Variants in SCAPER observed in about 807,000 individuals in gnomAD.
SCAPER encodes S-phase cyclin A associated protein in the ER.
In SCAPER, 98 loss-of-function variants were observed where a neutral mutation model predicts 182.2. The observed-to-expected ratio is 0.54, with a 90% CI of 0.46 to 0.64. The LOEUF is 0.64. SCAPER is among the 30% of genes least tolerant of loss of function. SCAPER has a pLI of 0.00. For missense variants in SCAPER, 1,432 were observed against 1,690.0 expected (o/e 0.85, Z 2.68); for synonymous variants, 605 against 564.6 (o/e 1.07, Z -1.01).
At chr15:76,427,891 T>C (rs188502475) in intron 26 of SCAPER, among the ~76,000 whole-genome samples, 1 of 148,520 alleles carries the variant, frequency 6.7e-6, no homozygotes, top group African/African-American at 2.5e-5. Flanking sequence ...TGAGATCGCA[T>C]CACTGAACTC....
intron 25 of SCAPER, among the ~76,000 whole-genome samples, chr15:76,448,280 G>A (rs1249998658): frequency 2.0e-5 from 3 of 152,054 alleles, no homozygotes; most frequent in Admixed American, 6.5e-5. Flanking sequence ...CAGGGAAGGA[G>A]GCTATTATAT....
chr15:76,820,292 A>G (rs1281963382), intron 5 of SCAPER, among the ~76,000 whole-genome samples: 4 of 152,148 alleles, frequency 2.6e-5, no homozygotes, highest in Non-Finnish European at 5.9e-5. Context: ...ATGCACATGT[A>G]TGTTTATTGC....
intron 21 of SCAPER, among the ~76,000 whole-genome samples, chr15:76,663,558 C>T (rs1192796486): frequency 1.3e-5 from 2 of 151,568 alleles, no homozygotes; most frequent in Non-Finnish European, 2.9e-5. Flanking sequence ...TACACATCAA[C>T]ACAGATAAAC....
chr15:76,366,049 G>C (rs552548536), intron 29 of SCAPER, among the ~76,000 whole-genome samples: 1 of 151,174 alleles, frequency 6.6e-6, no homozygotes, highest in Non-Finnish European at 1.5e-5. Context: ...TTCTAATCTA[G>C]CTTATTTAAG....
In SCAPER at chr15:76,786,353, A is replaced by G. The variant is rs1055940093; in HGVS notation, c.772+8927T>C. On this transcript the variant is annotated intron_variant, in intron 8 of 31. Coordinates refer to ENST00000563290, the MANE Select transcript of SCAPER (RefSeq NM_020843.4). Reference sequence around the variant, plus strand: ...AAAAAAAAAAAAAAAAAATCAATCAATGTAATTCACCACTGTCAATAGGCT... The same window carrying G: ...AAAAAAAAAAAAAAAAAATCAATCAGTGTAATTCACCACTGTCAATAGGCT... 2.0e-5 allele frequency among the ~76,000 whole-genome samples: 3 copies of G among 150,046 alleles called. No individual in the cohort carries two copies. In the South Asian group the frequency reaches 6.3e-4, roughly 32 times the overall value.
chr15:76,713,945 C>G (rs1436088420), intron 17 of SCAPER, among the ~76,000 whole-genome samples: 4 of 152,096 alleles, frequency 2.6e-5, no homozygotes, highest in Non-Finnish European at 4.4e-5. Context: ...ACATCCATAT[C>G]AGCTTTATCT....
intron 4 of SCAPER, among the ~76,000 whole-genome samples, chr15:76,851,363 G>A (rs982547120): frequency 6.6e-6 from 1 of 152,104 alleles, no homozygotes; most frequent in Non-Finnish European, 1.5e-5. Flanking sequence ...TACACAAGAA[G>A]ATCAACCCCC....
At position 76,597,551 on chromosome 15, in the gene SCAPER, C is replaced by A. The variant is rs1258100240; in HGVS notation, c.2712-23267G>T. On this transcript the variant is annotated intron_variant, in intron 22 of 31. Coordinates refer to ENST00000563290, the MANE Select transcript of SCAPER (RefSeq NM_020843.4). ...AGGCATCACACTACCTGACTTCAAA[C>A]TATACAAGGCTACAGTAACCAAAAC... Among the ~76,000 whole-genome samples, 5 of 119,820 alleles carry A rather than the reference C, an allele frequency of 4.2e-5. 1 individual carries two copies. The East Asian group carries it at 1.1e-3, about 27-fold the overall frequency. The allele number at this position is 119,820 out of a possible 152,430, so 78.6% of individuals were successfully genotyped here. A position where few individuals can be genotyped will look rare whatever the true frequency, so the allele number is the denominator to read the frequency against.
At chr15:76,547,723 G>A (rs1425315036) in intron 23 of SCAPER, among the ~76,000 whole-genome samples, 1 of 151,856 alleles carries the variant, frequency 6.6e-6, no homozygotes, top group African/African-American at 2.4e-5. Context: ...TGATGAGACG[G>A]GTCATGTATG....
In SCAPER at chr15:76,608,067, C is replaced by T. The variant is rs147048059; in HGVS notation, c.2711+13697G>A. Among the ~76,000 whole-genome samples, 670 of 152,346 alleles carry T rather than the reference C, an allele frequency of 4.4e-3. 7 individuals are homozygous for T. The highest frequency in any genetic ancestry group is 0.015 in the African/African-American group (638 of 41,580). On this transcript the variant is annotated intron_variant, in intron 22 of 31. Transcript: ENST00000563290. ...TTGCTCTGTTGCTGGTGAGGAGTTG[C>T]GTTCCTTTGCAGGAGGAGAGGCGCT...
intron 17 of SCAPER, 118 bp downstream of exon 17, chr15:76,728,477 T>G: frequency 7.4e-7 from 1 of 1,345,084 alleles, no homozygotes; most frequent in Non-Finnish European, 1.0e-6. Flanking sequence ...AAGATCAACC[T>G]GGGGAACATC....
At chr15:76,553,561 C>A (rs2045951442) in intron 23 of SCAPER, among the ~76,000 whole-genome samples, 1 of 152,208 alleles carries the variant, frequency 6.6e-6, no homozygotes, top group African/African-American at 2.4e-5. Flanking sequence ...AGCACTTTGG[C>A]TGGCACAACC....
rs564964567 is a variant in SCAPER, at chr15:76,363,440, G to C, written c.3856-9300C>G. ...GGCCAGCACCCTAACTGGTCCAACAGCCTCTTGGCACAGTGCCACAGAGAG... is the reference window on the plus strand; with the variant it reads ...GGCCAGCACCCTAACTGGTCCAACACCCTCTTGGCACAGTGCCACAGAGAG... On this transcript the variant is annotated intron_variant, in intron 29 of 31. Coordinates refer to ENST00000563290, the MANE Select transcript of SCAPER (RefSeq NM_020843.4). Among the ~76,000 whole-genome samples, 154 of 152,330 alleles carry C rather than the reference G, an allele frequency of 1.0e-3. 1 individual carries two copies. Among genetic ancestry groups the C allele is most frequent in the African/African-American group, 3.6e-3 (151 of 41,572 alleles).
intron 17 of SCAPER, among the ~76,000 whole-genome samples, chr15:76,709,294 C>A (rs567368621): frequency 6.6e-6 from 1 of 152,106 alleles, no homozygotes; most frequent in South Asian, 2.1e-4. Flanking sequence ...ACCATGCACG[C>A]CCAGCTAATT....
intron 25 of SCAPER, among the ~76,000 whole-genome samples, chr15:76,450,617 A>C (rs1241246049): frequency 1.3e-5 from 2 of 152,122 alleles, no homozygotes; most frequent in Admixed American, 6.6e-5. Flanking sequence ...GCAGTAGCCC[A>C]ATCTCGGCTC....
intron 1 of SCAPER, among the ~76,000 whole-genome samples, chr15:76,901,253 A>T (rs551608426): frequency 6.6e-6 from 1 of 152,220 alleles, no homozygotes; most frequent in Non-Finnish European, 1.5e-5. Context: ...AGTAATTTGA[A>T]GAGCAATATA....
chr15:76,810,119 T>C (rs941640223), intron 5 of SCAPER, among the ~76,000 whole-genome samples: 2 of 152,094 alleles, frequency 1.3e-5, no homozygotes, highest in Admixed American at 6.5e-5. Context: ...GTTGTTCACA[T>C]TGAAACAAAA....
intron 21 of SCAPER, among the ~76,000 whole-genome samples, chr15:76,657,549 G>A (rs1427592864): frequency 7.1e-6 from 1 of 140,846 alleles, no homozygotes; most frequent in African/African-American, 2.6e-5. Flanking sequence ...TATGAGCCAA[G>A]CATCATTCTG....
At chr15:76,656,753 C>T (rs893060031) in intron 21 of SCAPER, among the ~76,000 whole-genome samples, 2 of 152,080 alleles carry the variant, frequency 1.3e-5, no homozygotes, top group African/African-American at 4.8e-5. Flanking sequence ...GTGCTTAAAA[C>T]CATACAATGA....
Sources: gnomAD v4.1 joint callset for allele counts (sites outside exome capture counted in the v4.1 genomes callset) on GRCh38, gnomAD v4.1.1 for gene constraint, MANE v1.5 for transcripts, NCBI Gene and HGNC (gene_info 2026-07-23, HGNC 2026-07-21) for gene names.